The following RBFOX1 variants were observed in gnomAD, a reference collection of about 807,000 sequenced individuals.
The protein encoded by RBFOX1 is RNA binding protein fox-1 homolog 1.
In RBFOX1, 8 loss-of-function variants were observed where a neutral mutation model predicts 57.7. The observed-to-expected ratio is 0.14, with a 90% CI of 0.08 to 0.25. The LOEUF (loss-of-function observed/expected upper bound fraction) is 0.25. Ranked by LOEUF, RBFOX1 falls within the 10% of genes least tolerant of loss-of-function variation. The probability of loss-of-function intolerance (pLI) is 1.00; values close to 1 mark genes in which losing one functional copy is unlikely to be tolerated. For missense variants in RBFOX1, 611 were observed against 548.5 expected (o/e 1.11, Z -1.14); for synonymous variants, 326 against 222.4 (o/e 1.47, Z -4.15).
intron 1 of RBFOX1, among the ~76,000 whole-genome samples, chr16:6,116,443 A>C (rs1203826580): frequency 6.6e-6 from 1 of 152,208 alleles, no homozygotes; most frequent in Non-Finnish European, 1.5e-5. Flanking sequence ...GCTGTTAATC[A>C]AAGTTTTCTT....
chr16:6,159,664 C>T (rs1292284282), intron 1 of RBFOX1, among the ~76,000 whole-genome samples: 2 of 152,134 alleles, frequency 1.3e-5, no homozygotes, highest in South Asian at 2.1e-4. Context: ...GAGGAAATGT[C>T]ATGTTAATAT....
rs960595878 is a variant in RBFOX1, at chr16:5,674,301, C to A, written c.318+75340C>A. Among the ~76,000 whole-genome samples the A allele has an allele frequency of 4.6e-5, 7 of 152,190 alleles. 1 individual carries two copies. In the South Asian group the frequency reaches 1.2e-3, roughly 27 times the overall value. ...AGAAGCTGTTTCTGAGTAACAAAGA[C>A]TTGAAGGATGAATATGACTTTTATT... On this transcript the variant is annotated intron_variant, in intron 3 of 19. Transcript: ENST00000641259.
intron 3 of RBFOX1, among the ~76,000 whole-genome samples, chr16:6,970,327 C>T (rs1241886923): frequency 6.6e-6 from 1 of 152,174 alleles, no homozygotes; most frequent in East Asian, 1.9e-4. Context: ...TTCATTTTCT[C>T]AGTATAGTGG....
At chr16:6,752,666 T>G (rs184020657) in intron 3 of RBFOX1, among the ~76,000 whole-genome samples, 30 of 152,330 alleles carry the variant, frequency 2.0e-4, no homozygotes, top group Admixed American at 3.9e-4. Flanking sequence ...CGGTAATAAC[T>G]CTAACACACA....
intron 4 of RBFOX1, among the ~76,000 whole-genome samples, chr16:7,081,298 G>T (rs1457718027): frequency 6.6e-6 from 1 of 152,226 alleles, no homozygotes; most frequent in Non-Finnish European, 1.5e-5. Flanking sequence ...GCCTCCCAAA[G>T]TGCTGGGATT....
At chr16:7,148,914 G>A (rs938468018) in intron 4 of RBFOX1, among the ~76,000 whole-genome samples, 9 of 152,140 alleles carry the variant, frequency 5.9e-5, no homozygotes, top group African/African-American at 2.2e-4. Context: ...CTTTGCATGT[G>A]CCTAAAATCA....
chr16:7,064,730 C>T (rs1369999341), intron 4 of RBFOX1, among the ~76,000 whole-genome samples: 1 of 152,174 alleles, frequency 6.6e-6, no homozygotes, highest in Non-Finnish European at 1.5e-5. Context: ...GAATCAAATA[C>T]ATTGCTACTA....
At position 7,169,307 on chromosome 16, in the gene RBFOX1, T is replaced by G. The variant is rs1041923429; in HGVS notation, c.27+117209T>G. On this transcript the variant is annotated intron_variant, in intron 4 of 15. Transcript: ENST00000550418. ...TTTCTATGAGATACTAGCCATTTAC[T>G]AAAAGCTTTGCATATATCAGGGTTT... Among the ~76,000 whole-genome samples, 6 of 152,350 alleles carry G rather than the reference T, an allele frequency of 3.9e-5. 1 individual carries two copies. In the Middle Eastern group the frequency reaches 0.017, roughly 432 times the overall value.
At chr16:6,821,663 C>G (rs997553657) in intron 3 of RBFOX1, among the ~76,000 whole-genome samples, 1 of 152,170 alleles carries the variant, frequency 6.6e-6, no homozygotes, top group Non-Finnish European at 1.5e-5. Flanking sequence ...CATCTGACTT[C>G]TTTCAGCATA....
intron 2 of RBFOX1, among the ~76,000 whole-genome samples, chr16:6,559,704 C>G (rs527977078): frequency 1.3e-5 from 2 of 151,880 alleles, no homozygotes; most frequent in African/African-American, 4.8e-5. Context: ...GTATATATAT[C>G]CCTCTATAAT....
rs138835767 is a variant in RBFOX1, at chr16:7,499,807, G to A, written c.28-18340G>A. On this transcript the variant is annotated intron_variant, in intron 4 of 15. Transcript: ENST00000550418. ...CAGTTTCCTTAGCATTATCTACTTC[G>A]CAGTTGTTGAGACAATTAACTACAA... is the stretch of plus-strand genomic sequence containing the variant. Among the ~76,000 whole-genome samples, 1,174 of 151,734 alleles carry A rather than the reference G, an allele frequency of 7.7e-3. 72 individuals carry two copies. The highest frequency in any genetic ancestry group is 0.07 in the Admixed American group (1,069 of 15,238).
chr16:7,244,398 T>C (rs1288170416), intron 4 of RBFOX1, among the ~76,000 whole-genome samples: 2 of 152,202 alleles, frequency 1.3e-5, no homozygotes, highest in Non-Finnish European at 2.9e-5. Context: ...TGGTCCTTTT[T>C]CCTGAGCCAG....
rs531923261 is a variant in RBFOX1, at chr16:5,499,856, AGCCACTGT to A, written c.258+32606_258+32613del. On this transcript the variant is annotated intron_variant, in intron 2 of 2. Coordinates refer to the RBFOX1 transcript ENST00000585867. Reference sequence around the variant, plus strand: ...CCAAAGTGTTGGGATTACAGGCATGAGCCACTGTGCCCGGCCAAGCCCAGGTTTTTCTG... The same window carrying A: ...CCAAAGTGTTGGGATTACAGGCATGAGCCCGGCCAAGCCCAGGTTTTTCTG... 3.6e-4 allele frequency among the ~76,000 whole-genome samples: 55 copies of A among 152,282 alleles called. No individual in the cohort carries two copies. The South Asian group carries it at 0.011, about 31-fold the overall frequency.
chr16:6,131,072 A>G (rs1442379733), intron 1 of RBFOX1, among the ~76,000 whole-genome samples: 1 of 152,196 alleles, frequency 6.6e-6, no homozygotes, highest in Non-Finnish European at 1.5e-5. Context: ...CTATGTTTCC[A>G]TTTATATGAT....
chr16:7,074,962 A>T (rs987928974), intron 4 of RBFOX1, among the ~76,000 whole-genome samples: 5 of 152,158 alleles, frequency 3.3e-5, no homozygotes, highest in African/African-American at 1.2e-4. Flanking sequence ...GAGGTAGGGG[A>T]GCTCATTGAG....
chr16:6,862,797 C>A (rs1269849196), intron 3 of RBFOX1, among the ~76,000 whole-genome samples: 1 of 151,942 alleles, frequency 6.6e-6, no homozygotes, highest in Non-Finnish European at 1.5e-5. Flanking sequence ...TCAGCCTGGC[C>A]AAAATGGTGA....
chr16:7,239,777 G>C (rs2093962422), intron 4 of RBFOX1, among the ~76,000 whole-genome samples: 2 of 152,060 alleles, frequency 1.3e-5, no homozygotes, highest in South Asian at 2.1e-4. Flanking sequence ...AACTCACTTA[G>C]GGATGAAAAT....
chr16:6,288,228 A>ATGG (rs747789916), intron 1 of RBFOX1, among the ~76,000 whole-genome samples: 6 of 79,776 alleles, frequency 7.5e-5, no homozygotes, highest in Non-Finnish European at 1.6e-4. Context: ...GCTTATCAGA[A>ATGG]TGGTGTGAAC....
At chr16:6,662,754 A>G (rs1603237549) in intron 3 of RBFOX1, among the ~76,000 whole-genome samples, 5 of 152,234 alleles carry the variant, frequency 3.3e-5, no homozygotes, top group Admixed American at 1.3e-4. Flanking sequence ...GCATCTGGCT[A>G]TAACCGAATG....
Sources: gnomAD v4.1 joint callset for allele counts (sites outside exome capture counted in the v4.1 genomes callset) on GRCh38, gnomAD v4.1.1 for gene constraint, MANE v1.5 for transcripts, NCBI Gene and HGNC (gene_info 2026-07-23, HGNC 2026-07-21) for gene names.